Variants in USP15 observed in about 807,000 individuals in gnomAD.
The protein encoded by USP15 is ubiquitin specific peptidase 15.
A neutral mutation model predicts 127.1 loss-of-function variants in USP15; 18 were observed. The ratio of observed to expected loss-of-function variants is 0.14; its 90% CI spans 0.10 to 0.21. The LOEUF (loss-of-function observed/expected upper bound fraction) is 0.21, where lower values mean the gene tolerates loss of function less well. USP15 is among the 10% of genes least tolerant of loss of function. The probability of loss-of-function intolerance (pLI) is 1.00; values close to 1 mark genes in which losing one functional copy is unlikely to be tolerated. For missense variants in USP15, 805 were observed against 1,159.9 expected (o/e 0.69, Z 4.44); for synonymous variants, 364 against 393.7 (o/e 0.92, Z 0.89).
chr12:62,346,880 G>C (rs2065832967), intron 6 of USP15, among the ~76,000 whole-genome samples: 1 of 152,010 alleles, frequency 6.6e-6, no homozygotes, highest in Non-Finnish European at 1.5e-5. Context: ...AACACATCAT[G>C]GTTTCTACAT....
chr12:62,316,109 A>G (rs2064823062), intron 4 of USP15, among the ~76,000 whole-genome samples: 1 of 151,758 alleles, frequency 6.6e-6, no homozygotes, highest in Non-Finnish European at 1.5e-5. Flanking sequence ...ACATGGTGAA[A>G]CCCCATCTCT....
chr12:62,384,136 A>C lies in USP15; in HGVS notation c.1307A>C (p.Asp436Ala). The C allele has an allele frequency of 6.2e-7, 1 of 1,613,000 alleles. No individual in the cohort carries two copies. The highest frequency in any genetic ancestry group is 8.5e-7 in the Non-Finnish European group (1 of 1,179,280). The change falls in exon 11 of 22, where the codon GAT (aspartate) becomes GCT (alanine). Residue 436 changes from aspartate (D) to alanine (A), a missense_variant. Asp to Ala is a moderately radical substitution (Grantham distance 126). This residue lies in a region of USP15 where 84 missense variants were observed against 210.3 expected (regional missense o/e 0.40). Coordinates refer to ENST00000280377, the MANE Select transcript of USP15 (RefSeq NM_001252078.2). ...HLKRNDSIIV[D>A]IFHGLFKSTL... ...AAACGAAATGATTCTATCATAGTAG[A>C]TATATTTCATGGCCTTTTCAAATCA...
At chr12:62,303,701 T>C (rs1565835927) in intron 3 of USP15, 2 of 152,154 alleles carry the variant, frequency 1.3e-5, no homozygotes, top group South Asian at 2.1e-4. Flanking sequence ...TTTGAATTTA[T>C]TTGGAATTGA....
rs990208705 is a variant in USP15 at position 62,400,151 on chromosome 12, G to T, written c.2675-1036G>T. On this transcript the variant is annotated intron_variant, in intron 20 of 21. Transcript: ENST00000280377. Reference sequence around the variant, plus strand: ...AACATTGTGCAACTTTATTTCTTCAGTTATTGAGTAGTTTATACAAGGCAT... The same window carrying T: ...AACATTGTGCAACTTTATTTCTTCATTTATTGAGTAGTTTATACAAGGCAT... Among the ~76,000 whole-genome samples, 10 of 152,188 alleles carry T rather than the reference G, an allele frequency of 6.6e-5. No homozygotes were observed. In the East Asian group the frequency reaches 1.9e-3, roughly 29 times the overall value.
intron 4 of USP15, among the ~76,000 whole-genome samples, chr12:62,317,646 G>T (rs952057027): frequency 5.3e-5 from 8 of 152,144 alleles, no homozygotes; most frequent in African/African-American, 1.7e-4. Flanking sequence ...GATTAAAATA[G>T]CTATGTATGT....
At chr12:62,350,782 C>G (rs1476547568) in intron 7 of USP15, among the ~76,000 whole-genome samples, 1 of 152,004 alleles carries the variant, frequency 6.6e-6, no homozygotes, top group Non-Finnish European at 1.5e-5. Context: ...GCCACTACAC[C>G]CTGCTAATTT....
chr12:62,401,349 G>A, intron 21 of USP15, 74 bp downstream of exon 21: 1 of 1,164,756 alleles, frequency 8.6e-7, no homozygotes, highest in South Asian at 1.4e-5. Context: ...TAATAAAAGG[G>A]GCTCATGGAA....
Position 62,405,687 on chromosome 12 carries a change from C to T in USP15, c.*1312C>T, listed in dbSNP as rs891816125. 6.6e-6 allele frequency: 1 copy of T among 152,498 alleles called. No homozygotes were observed. Among genetic ancestry groups the T allele is most frequent in the African/African-American group, 2.4e-5 (1 of 41,416 alleles). The allele number at this position is 152,498 out of a possible 1,614,324, so 9.4% of individuals were successfully genotyped here. A position where few individuals can be genotyped will look rare whatever the true frequency, so the allele number is the denominator to read the frequency against. The stretch of plus-strand genomic sequence containing the variant: ...AAATGCTGGGGCACATTTCACATAT[C>T]GACTACCTGAGAAATTGCTTTGTGT... On this transcript the variant is annotated 3_prime_UTR_variant, in exon 22 of 22. Transcript: ENST00000280377.
chr12:62,284,352 C>A (rs2063733261), intron 1 of USP15, among the ~76,000 whole-genome samples: 1 of 152,174 alleles, frequency 6.6e-6, no homozygotes, highest in African/African-American at 2.4e-5. Context: ...TCCCTCAATT[C>A]TTTTCTCACA....
chr12:62,351,714 A>AT (rs916968213), intron 7 of USP15, among the ~76,000 whole-genome samples: 30 of 151,930 alleles, frequency 2.0e-4, no homozygotes, highest in Admixed American at 6.6e-5. Context: ...AGCTATTTAT[A>AT]TTTTTTTAAT....
At chr12:62,350,835 A>G (rs2065947434) in intron 7 of USP15, among the ~76,000 whole-genome samples, 1 of 152,132 alleles carries the variant, frequency 6.6e-6, no homozygotes, top group Non-Finnish European at 1.5e-5. Flanking sequence ...TATGTTGCCC[A>G]TGCTGGTTTC....
At chr12:62,367,125 G>A (rs1283831223) in intron 8 of USP15, among the ~76,000 whole-genome samples, 1 of 151,932 alleles carries the variant, frequency 6.6e-6, no homozygotes, top group African/African-American at 2.4e-5. Context: ...GCTGCTCTTT[G>A]TACCTCTGGT....
At chr12:62,342,872 C>T (rs894475252) in intron 6 of USP15, among the ~76,000 whole-genome samples, 1 of 152,168 alleles carries the variant, frequency 6.6e-6, no homozygotes, top group African/African-American at 2.4e-5. Flanking sequence ...GCAGGAGACA[C>T]GGGATCAGGG....
intron 3 of USP15, among the ~76,000 whole-genome samples, chr12:62,314,292 A>G (rs1295305052): frequency 6.6e-6 from 1 of 151,924 alleles, no homozygotes; most frequent in Non-Finnish European, 1.5e-5. Flanking sequence ...CAGTGATAAT[A>G]TAGCCATTAA....
intron 1 of USP15, among the ~76,000 whole-genome samples, chr12:62,271,770 A>G (rs1298317095): frequency 6.6e-6 from 1 of 151,920 alleles, no homozygotes; most frequent in Non-Finnish European, 1.5e-5. Flanking sequence ...ATGGTCATGT[A>G]TGTGTATTCT....
At chr12:62,322,576 A>G (rs189071586) in intron 5 of USP15, among the ~76,000 whole-genome samples, 1 of 152,230 alleles carries the variant, frequency 6.6e-6, no homozygotes, top group East Asian at 1.9e-4. Context: ...CTCTTTACAA[A>G]TTCCTGTATC....
chr12:62,331,439 G>A (rs1048157795), intron 6 of USP15, among the ~76,000 whole-genome samples: 1 of 152,158 alleles, frequency 6.6e-6, no homozygotes, highest in African/African-American at 2.4e-5. Flanking sequence ...GAACCACATA[G>A]TGGCATCCAG....
chr12:62,400,780 T>C (rs1208595422), intron 20 of USP15, among the ~76,000 whole-genome samples: 2 of 152,094 alleles, frequency 1.3e-5, no homozygotes, highest in Non-Finnish European at 2.9e-5. Flanking sequence ...AAATTATCCT[T>C]CTTTTGATGC....
chr12:62,277,128 T>G (rs953489642), intron 1 of USP15, among the ~76,000 whole-genome samples: 1 of 152,156 alleles, frequency 6.6e-6, no homozygotes, highest in South Asian at 2.1e-4. Context: ...GTTAAAACTT[T>G]CTGGCAGATT....
Sources: gnomAD v4.1 joint callset for allele counts (sites outside exome capture counted in the v4.1 genomes callset) on GRCh38, gnomAD v4.1.1 for gene constraint, gnomAD v4.1.1 regional missense constraint, MANE v1.5 for transcripts, NCBI Gene and HGNC (gene_info 2026-07-23, HGNC 2026-07-21) for gene names.